COMMD6: variants seen among roughly 807,000 people sequenced by gnomAD.
The protein encoded by COMMD6 is COMM domain containing 6.
In COMMD6, 11 loss-of-function variants were observed where a neutral mutation model predicts 13.4. That is an observed-to-expected ratio of 0.82 (90% CI 0.52 to 1.36). The LOEUF is 1.36. Ranked by LOEUF, COMMD6 falls within the 40% of genes most tolerant of loss-of-function variation. COMMD6 has a pLI of 0.00. For missense variants in COMMD6, 124 were observed against 102.4 expected, an observed-to-expected ratio of 1.21 and a Z score of -0.91; for synonymous variants, 43 against 36.5, an observed-to-expected ratio of 1.18 and a Z score of -0.64.
chr13:75,526,958 T>A (rs1411289203), intron 3 of COMMD6, among the ~76,000 whole-genome samples: 1 of 152,178 alleles, frequency 6.6e-6, no homozygotes, highest in Non-Finnish European at 1.5e-5. Context: ...AAATAACAAG[T>A]TGGTTCCAGG....
chr13:75,548,871 A>C (rs1306194322), intron 1 of COMMD6, among the ~76,000 whole-genome samples: 1 of 152,212 alleles, frequency 6.6e-6, no homozygotes, highest in African/African-American at 2.4e-5. Context: ...CAGGAAGCCC[A>C]GATGTCTTGA....
chr13:75,528,779 T>C (rs1308371080), intron 3 of COMMD6, among the ~76,000 whole-genome samples: 4 of 151,568 alleles, frequency 2.6e-5, no homozygotes. Context: ...GAGGCAGAGG[T>C]TGCAGTGAGC....
rs199666944 is a variant in COMMD6, at chr13:75,530,239, T to C, written c.82A>G (p.Met28Val). Residue 28 changes from methionine to valine, a missense_variant, in exon 3 of 4, where the codon ATG (methionine) becomes GTG (valine). Transcript: ENST00000682242. ...QLVDFQWKLG[M>V]AVSSDTCRSL... The stretch of plus-strand genomic sequence containing the variant: ...CTGCAAGTGTCTGAGCTCACAGCCA[T>C]ACCCAGTTTCCACTGAAAATCTACA... 126 of 1,612,262 alleles carry C rather than the reference T, an allele frequency of 7.8e-5. 1 individual carries two copies. The East Asian group carries it at 2.7e-3, about 35-fold the overall frequency.
rs991674054 is a variant in COMMD6, at chr13:75,525,761, A to G, written c.*828T>C. The G allele has an allele frequency of 2.6e-5, 4 of 152,278 alleles. No homozygotes were observed. Among genetic ancestry groups the G allele is most frequent in the African/African-American group, 9.6e-5 (4 of 41,476 alleles). The allele number at this position is 152,278 out of a possible 1,614,324, so 9.4% of individuals were successfully genotyped here. A position where few individuals can be genotyped will look rare whatever the true frequency, so the allele number is the denominator to read the frequency against. ...TGTGAAGAGGGTTTAAATTTCTAATATGGCGGACCAGAATGTCTTGATCTA... is the reference window on the plus strand; with the variant it reads ...TGTGAAGAGGGTTTAAATTTCTAATGTGGCGGACCAGAATGTCTTGATCTA... On this transcript the variant is annotated 3_prime_UTR_variant, in exon 4 of 4. Coordinates refer to ENST00000682242, the MANE Select transcript of COMMD6 (RefSeq NM_203495.4).
intron 3 of COMMD6, among the ~76,000 whole-genome samples, chr13:75,528,873 AG>A (rs1662785522): frequency 1.3e-5 from 2 of 152,158 alleles, no homozygotes; most frequent in African/African-American, 4.8e-5. Flanking sequence ...AAAAAAAAAA[AG>A]AAATGAAAGG....
rs2030223238 is a variant in COMMD6 at position 75,525,741 on chromosome 13, AG to A, written c.*847del. ...CTGCAGAAATGCAGACAGGGTGTGA[AG>A]AGGGTTTAAATTTCTAATATGGCGG... On this transcript the variant is annotated 3_prime_UTR_variant, in exon 4 of 4. Transcript: ENST00000682242. The A allele has an allele frequency of 1.3e-5, 2 of 152,292 alleles. No homozygotes were observed. The highest frequency in any genetic ancestry group is 4.8e-5 in the African/African-American group (2 of 41,476). The allele number at this position is 152,292 out of a possible 1,614,324, so 9.4% of individuals were successfully genotyped here.
rs778299749 is a variant in COMMD6, at chr13:75,537,711, T to C, written c.43-36A>G. Reference sequence around the variant, plus strand: ...AGCAGAAACACAATTTAGAGAAACATCTTTCTTGCTCCAGAGCCTCGCTGC... The same window carrying C: ...AGCAGAAACACAATTTAGAGAAACACCTTTCTTGCTCCAGAGCCTCGCTGC... On this transcript the variant is annotated intron_variant, in intron 1 of 3. Coordinates refer to ENST00000682242, the MANE Select transcript of COMMD6 (RefSeq NM_203495.4). The C allele has an allele frequency of 1.2e-5, 20 of 1,613,948 alleles. No individual in the cohort carries two copies. The South Asian group carries it at 2.0e-4, about 16-fold the overall frequency.
At chr13:75,532,559 C>G (rs570660375) in intron 2 of COMMD6, among the ~76,000 whole-genome samples, 9 of 152,204 alleles carry the variant, frequency 5.9e-5, no homozygotes, top group South Asian at 2.1e-4. Flanking sequence ...TTGCTGGGTG[C>G]GGTGGCTCAC....
At chr13:75,539,182 T>A (rs2030778624), upstream of COMMD6, among the ~76,000 whole-genome samples, 1 of 151,832 alleles carries the variant, frequency 6.6e-6, no homozygotes, top group South Asian at 2.1e-4. Flanking sequence ...ATTCTCTGTT[T>A]CTAGGGGCCT....
chr13:75,540,344 C>CCACCCA (rs1555271322), upstream of COMMD6, among the ~76,000 whole-genome samples: 17 of 147,382 alleles, frequency 1.2e-4, no homozygotes, highest in African/African-American at 3.2e-4. Flanking sequence ...ACACACACAC[C>CCACCCA]CACACACACA....
At chr13:75,549,377 G>A (rs1324361803) in exon 1 of COMMD6, 2 of 173,734 alleles carry the variant, frequency 1.2e-5, no homozygotes, top group Non-Finnish European at 1.2e-5. Context: ...GCCACCTGGC[G>A]TCTGTCTCAG....
Position 75,537,674 on chromosome 13 carries a change from A to C in COMMD6, c.44T>G (p.Val15Gly). 6.2e-7 allele frequency: 1 copy of C among 1,613,896 alleles called. No homozygotes were observed. The highest frequency in any genetic ancestry group is 1.1e-5 in the South Asian group (1 of 91,080). The change falls in exon 2 of 4, where the codon GTC (valine) becomes GGC (glycine). Residue 15 changes from valine (V) to glycine (G), a missense_variant and splice_region_variant. Physicochemically the swap from Val to Gly is moderately radical, Grantham distance 109. Coordinates refer to ENST00000682242, the MANE Select transcript of COMMD6 (RefSeq NM_203495.4). Reference protein sequence around the residue: ...SEPPLDAKSDVTNQLVDFQWK... With the variant: ...SEPPLDAKSDGTNQLVDFQWK... ...CGGCCGCTCACCCACCTGGTTGGTG[A>C]CCTGAAACGGAAGCAGAAACACAAT... is the stretch of plus-strand genomic sequence containing the variant.
chr13:75,545,110 A>G (rs1222442423), intron 1 of COMMD6, among the ~76,000 whole-genome samples: 1 of 152,212 alleles, frequency 6.6e-6, no homozygotes, highest in Non-Finnish European at 1.5e-5. Flanking sequence ...TTTAGGAATG[A>G]TAGTTTGGCA....
chr13:75,526,090 C>T lies in COMMD6; in HGVS notation c.*499G>A, dbSNP rs943933647. 8 of 152,142 alleles carry T rather than the reference C, an allele frequency of 5.3e-5. No individual in the cohort carries two copies. The highest frequency in any genetic ancestry group is 1.3e-4 in the Admixed American group (2 of 15,286). The allele number at this position is 152,142 out of a possible 1,614,324, so 9.4% of individuals were successfully genotyped here. A position where few individuals can be genotyped will look rare whatever the true frequency, so the allele number is the denominator to read the frequency against. The stretch of plus-strand genomic sequence containing the variant: ...GCAATGGTCAATCTTAATCTGATTA[C>T]AAAAGTTTGAAAAAAGAAGCCTCAC... On this transcript the variant is annotated 3_prime_UTR_variant, in exon 4 of 4. Transcript: ENST00000682242.
Position 75,526,218 on chromosome 13 carries a change from T to C in COMMD6, c.*371A>G, listed in dbSNP as rs1013075305. On this transcript the variant is annotated 3_prime_UTR_variant, in exon 4 of 4. Coordinates refer to ENST00000682242, the MANE Select transcript of COMMD6 (RefSeq NM_203495.4). ...TAATTTATATATATTTTTATATACA[T>C]GACTCCAAATAAGACTGTTTATAAA... 6.3e-6 allele frequency: 1 copy of C among 159,890 alleles called. No individual in the cohort carries two copies. The highest frequency in any genetic ancestry group is 1.4e-5 in the Non-Finnish European group (1 of 73,410). 9.9% of individuals were successfully genotyped at this position (159,890 alleles called of 1,614,324 possible).
chr13:75,543,002 T>C (rs1272186443), upstream of COMMD6, among the ~76,000 whole-genome samples: 5 of 152,186 alleles, frequency 3.3e-5, no homozygotes, highest in Admixed American at 6.5e-5. Flanking sequence ...TACACAGCCA[T>C]AAAAGAGAAC....
At chr13:75,534,494 TA>T (rs1391567968) in intron 2 of COMMD6, among the ~76,000 whole-genome samples, 4 of 152,194 alleles carry the variant, frequency 2.6e-5, no homozygotes, top group African/African-American at 9.6e-5. Context: ...GGTTTCACCT[TA>T]AGTAGGAGTG....
Position 75,537,665 on chromosome 13 carries a change from T to A in COMMD6, c.53A>T (p.Gln18Leu), listed in dbSNP as rs750669121. The A allele has an allele frequency of 4.3e-6, 7 of 1,613,456 alleles. No homozygotes were observed. The highest frequency in any genetic ancestry group is 5.9e-6 in the Non-Finnish European group (7 of 1,179,488). The change falls in exon 2 of 4, where the codon CAG (glutamine) becomes CTG (leucine). Residue 18 changes from glutamine (Q) to leucine (L), a missense_variant and splice_region_variant. Gln to Leu is a moderately radical substitution (Grantham distance 113, BLOSUM62 -2). Coordinates refer to ENST00000682242, the MANE Select transcript of COMMD6 (RefSeq NM_203495.4). ...PLDAKSDVTN[Q>L]LVDFQWKLGM... ...AGGGCGGGGCGGCCGCTCACCCACC[T>A]GGTTGGTGACCTGAAACGGAAGCAG...
chr13:75,548,015 G>A (rs1380903572), intron 1 of COMMD6, among the ~76,000 whole-genome samples: 1 of 152,244 alleles, frequency 6.6e-6, no homozygotes, highest in Non-Finnish European at 1.5e-5. Flanking sequence ...CCGGCCTTGT[G>A]TCTCAGCAGA....
Sources: allele counts gnomAD v4.1 joint callset (sites outside exome capture counted in the v4.1 genomes callset), GRCh38; gene constraint gnomAD v4.1.1; transcripts MANE v1.5; gene names NCBI Gene and HGNC (gene_info 2026-07-23, HGNC 2026-07-21).